Variants in ARL9 observed in about 807,000 individuals in gnomAD.
ARL9 encodes ADP-ribosylation factor-like protein 9.
In ARL9, 14 loss-of-function variants were observed where a neutral mutation model predicts 27.0. That is an observed-to-expected ratio of 0.52 (90% confidence interval 0.34 to 0.81). The LOEUF (loss-of-function observed/expected upper bound fraction) is 0.81, where lower values mean the gene tolerates loss of function less well. ARL9 is among the 30% of genes least tolerant of loss of function. The pLI, the probability that ARL9 is intolerant of heterozygous loss-of-function variation, is 0.01. For synonymous variants in ARL9, 106 were observed against 108.7 expected (o/e 0.98, Z 0.15); for missense variants, 294 against 290.0 (o/e 1.01, Z -0.10).
chr4:56,513,665 G>C (rs1560697374), intron 2 of ARL9, among the ~76,000 whole-genome samples: 1 of 152,146 alleles, frequency 6.6e-6, no homozygotes. Flanking sequence ...AGCCACAGTA[G>C]ATAAGCAAAG....
upstream of ARL9, chr4:56,505,515 C>T: frequency 2.0e-6 from 1 of 495,690 alleles, no homozygotes; most frequent in Non-Finnish European, 3.9e-6. Context: ...CCGAGGTAAT[C>T]GCGCTAGGGA....
rs1333588080 is a variant in ARL9 at position 56,522,415 on chromosome 4, C to T, written c.619-1282C>T. On this transcript the variant is annotated intron_variant, in intron 3 of 3. Coordinates refer to ENST00000640821, the MANE Select transcript of ARL9 (RefSeq NM_001363794.2). ...CAGTCTGGGTGACAGGGTGAGATTC[C>T]GTCTCAAAAAAAAATAGGTTCATAT... Among the ~76,000 whole-genome samples, 14 of 149,336 alleles carry T rather than the reference C, an allele frequency of 9.4e-5. No individual in the cohort carries two copies. The East Asian group carries it at 1.4e-3, about 15-fold the overall frequency.
upstream of ARL9, chr4:56,505,472 C>T (rs542297729): frequency 4.3e-6 from 2 of 467,332 alleles, no homozygotes; most frequent in Admixed American, 2.3e-5. Context: ...AGACTGCGGC[C>T]CACGTGGAAG....
At position 56,524,073 on chromosome 4, in the gene ARL9, C is replaced by CA. The variant is rs1722011658; in HGVS notation, c.*202dup. 2 of 453,694 alleles carry CA rather than the reference C, an allele frequency of 4.4e-6. No individual in the cohort carries two copies. Among genetic ancestry groups the CA allele is most frequent in the East Asian group, 6.4e-5 (2 of 31,060 alleles). The allele number at this position is 453,694 out of a possible 1,614,324, so 28.1% of individuals were successfully genotyped here. A position where few individuals can be genotyped will look rare whatever the true frequency, so the allele number is the denominator to read the frequency against. ...TCAAGAACTGTGGATCCAAAACATTCAAAAAGTAAACCCACTGAAGAATAA... is the reference window on the plus strand; with the variant it reads ...TCAAGAACTGTGGATCCAAAACATTCAAAAAAGTAAACCCACTGAAGAATAA... On this transcript the variant is annotated 3_prime_UTR_variant, in exon 4 of 4. Coordinates refer to ENST00000640821, the MANE Select transcript of ARL9 (RefSeq NM_001363794.2).
chr4:56,510,033 C>G (rs901768710), intron 1 of ARL9, among the ~76,000 whole-genome samples: 4 of 151,646 alleles, frequency 2.6e-5, no homozygotes, highest in Non-Finnish European at 5.9e-5. Flanking sequence ...ATTTCTATAA[C>G]CTTTTCATTT....
intron 2 of ARL9, 61 bp downstream of exon 2, chr4:56,511,408 T>G: frequency 1.3e-6 from 2 of 1,498,170 alleles, no homozygotes; most frequent in Non-Finnish European, 1.8e-6. Context: ...AAGCCAGATA[T>G]GATGTTAGCA....
chr4:56,505,529 T>C (rs929345016), upstream of ARL9: 14 of 520,332 alleles, frequency 2.7e-5, no homozygotes, highest in African/African-American at 2.7e-4. Flanking sequence ...CTAGGGACGC[T>C]TTTTCTGCAG....
intron 2 of ARL9, among the ~76,000 whole-genome samples, chr4:56,513,405 A>C (rs980544382): frequency 1.3e-5 from 2 of 152,256 alleles, no homozygotes; most frequent in Non-Finnish European, 2.9e-5. Context: ...ATCTCTAAAA[A>C]ATTCTTGTAG....
At chr4:56,508,886 C>T (rs1721542756) in intron 1 of ARL9, among the ~76,000 whole-genome samples, 1 of 152,058 alleles carries the variant, frequency 6.6e-6, no homozygotes, top group Non-Finnish European at 1.5e-5. Flanking sequence ...ATTTAGAGTT[C>T]AAGCAGAACA....
In ARL9 at chr4:56,524,440, A is replaced by G. The variant is rs1722020671; in HGVS notation, c.*564A>G. The G allele has an allele frequency of 1.3e-5, 2 of 152,338 alleles. No homozygotes were observed. The highest frequency in any genetic ancestry group is 1.5e-5 in the Non-Finnish European group (1 of 68,112). 9.4% of individuals were successfully genotyped at this position (152,338 alleles called of 1,614,324 possible). A position where few individuals can be genotyped will look rare whatever the true frequency, so the allele number is the denominator to read the frequency against. On this transcript the variant is annotated 3_prime_UTR_variant, in exon 4 of 4. Transcript: ENST00000640821. ...GGGATTTTTAATCAACAAAGGTAAAATGAACATTAGCAAGCATTTGTCCCA... is the reference window on the plus strand; with the variant it reads ...GGGATTTTTAATCAACAAAGGTAAAGTGAACATTAGCAAGCATTTGTCCCA...
rs914554015 is a variant in ARL9, at chr4:56,518,678, T to G, written c.443T>G (p.Ile148Ser). 1 of 1,611,444 alleles carries G rather than the reference T, an allele frequency of 6.2e-7. No homozygotes were observed. The highest frequency in any genetic ancestry group is 1.3e-5 in the African/African-American group (1 of 74,864). Residue 148 changes from isoleucine (I) to serine (S), a missense_variant and splice_region_variant, in exon 3 of 4, where the codon ATT (isoleucine) becomes AGT (serine). Transcript: ENST00000640821. ...CTTCTTCCTCTACTATTCTCTGTAG[T>G]TGGTGGCAGTAAACCTTTTCGGTCC... ...TEDSQMEFLE[I>S]GGSKPFRSYW...
chr4:56,506,192 T>G, intron 1 of ARL9, 51 bp downstream of exon 1: 1 of 1,232,470 alleles, frequency 8.1e-7, no homozygotes, highest in East Asian at 3.2e-5. Context: ...TTGTCGGCCG[T>G]TCAGACCCCA....
intron 1 of ARL9, chr4:56,506,589 G>A: frequency 2.0e-6 from 2 of 984,036 alleles, no homozygotes; most frequent in African/African-American, 1.7e-5. Context: ...GAACGCAGGA[G>A]GTGTTTGGGG....
intron 1 of ARL9, among the ~76,000 whole-genome samples, chr4:56,506,997 T>C (rs1721485199): frequency 6.6e-6 from 1 of 152,118 alleles, no homozygotes; most frequent in Admixed American, 6.6e-5. Context: ...AGTTTCGCCA[T>C]GTAGCTCAGG....
At chr4:56,505,568 C>T (rs1160671313), upstream of ARL9, 1 of 586,428 alleles carries the variant, frequency 1.7e-6, no homozygotes, top group South Asian at 1.6e-5. Context: ...AACTGTCCCA[C>T]GTCCTGGTTG....
At chr4:56,505,228 C>T (rs1221135101), upstream of ARL9, 1 of 328,230 alleles carries the variant, frequency 3.0e-6, no homozygotes, top group East Asian at 9.0e-5. Context: ...TTTAATAATC[C>T]TGGGTAATAG....
chr4:56,506,654 T>C, intron 1 of ARL9: 1 of 985,430 alleles, frequency 1.0e-6, no homozygotes, highest in Non-Finnish European at 1.2e-6. Context: ...GGAAAAGTTT[T>C]AACTGACAGG....
chr4:56,516,200 T>C (rs532722521), intron 2 of ARL9, among the ~76,000 whole-genome samples: 187 of 152,326 alleles, frequency 1.2e-3, no homozygotes, highest in Non-Finnish European at 1.7e-3. Context: ...CTGCCTCCTA[T>C]GCATACAAAT....
At chr4:56,515,282 A>G (rs1326080599) in intron 2 of ARL9, among the ~76,000 whole-genome samples, 1 of 152,102 alleles carries the variant, frequency 6.6e-6, no homozygotes, top group Non-Finnish European at 1.5e-5. Context: ...AAAATTTGAA[A>G]AAAATATGTC....
Sources: allele counts gnomAD v4.1 joint callset (sites outside exome capture counted in the v4.1 genomes callset), GRCh38; gene constraint gnomAD v4.1.1; transcripts MANE v1.5; gene names NCBI Gene and HGNC (gene_info 2026-07-23, HGNC 2026-07-21).